XRCC2: variants seen among roughly 807,000 people sequenced by gnomAD.
The protein encoded by XRCC2 is DNA repair protein XRCC2.
In XRCC2, 24 loss-of-function variants were observed where a neutral mutation model predicts 27.3. That is an observed-to-expected ratio of 0.88 (90% CI 0.64 to 1.24). The LOEUF (loss-of-function observed/expected upper bound fraction) is 1.24. Ranked by LOEUF, XRCC2 falls within the 50% of genes most tolerant of loss-of-function variation. The pLI, the probability that XRCC2 is intolerant of heterozygous loss-of-function variation, is 0.00. For missense variants in XRCC2, 321 were observed against 325.8 expected (o/e 0.99, Z 0.11); for synonymous variants, 106 against 115.4 (o/e 0.92, Z 0.52).
At chr7:152,671,627 T>G (rs1217833322) in intron 1 of XRCC2, among the ~76,000 whole-genome samples, 2 of 152,192 alleles carry the variant, frequency 1.3e-5, no homozygotes, top group Non-Finnish European at 2.9e-5. Context: ...CACATAGTGA[T>G]GTCAAGATGA....
chr7:152,653,599 A>G (rs909572346), intron 2 of XRCC2, among the ~76,000 whole-genome samples: 1 of 149,688 alleles, frequency 6.7e-6, no homozygotes, highest in Non-Finnish European at 1.5e-5. Context: ...AGCTGGGACC[A>G]CAGGTGTGTG....
In XRCC2 at chr7:152,660,741, T is replaced by C. The variant is rs773847550; in HGVS notation, c.81A>G (p.Ile27Met). ...RLEGRSSLKE[I>M]EPNLFADEDS... ...CTTCATCAGCAAACAGATTTGGTTC[T>C]ATTTCTTTCAAGGAACTTCTACCTT... Residue 27 changes from isoleucine to methionine, a missense_variant, in exon 2 of 3, where the codon ATA becomes ATG. By Grantham distance (10) the Ile-to-Met change is conservative. Coordinates refer to ENST00000359321, the MANE Select transcript of XRCC2 (RefSeq NM_005431.2). 1.2e-6 allele frequency: 2 copies of C among 1,613,564 alleles called. No individual in the cohort carries two copies. Among genetic ancestry groups the C allele is most frequent in the Non-Finnish European group, 1.7e-6 (2 of 1,179,926 alleles).
intron 1 of XRCC2, among the ~76,000 whole-genome samples, chr7:152,673,876 C>CA (rs981933441): frequency 2.0e-5 from 3 of 151,128 alleles, no homozygotes; most frequent in Non-Finnish European, 3.0e-5. Flanking sequence ...ACTCTTGTCT[C>CA]AAAAAAAACC....
chr7:152,660,638 G>C (rs2098032676), intron 2 of XRCC2, 63 bp downstream of exon 2: 1 of 1,406,254 alleles, frequency 7.1e-7, no homozygotes, highest in Non-Finnish European at 9.9e-7. Context: ...ATACATGTGA[G>C]CTTATGTGAA....
At chr7:152,665,529 G>A (rs1180389986) in intron 1 of XRCC2, among the ~76,000 whole-genome samples, 1 of 107,376 alleles carries the variant, frequency 9.3e-6, no homozygotes, top group Non-Finnish European at 1.7e-5. Context: ...TCTTACTCCC[G>A]TCACCCAGGT....
At chr7:152,654,059 G>C (rs1463153926) in intron 2 of XRCC2, among the ~76,000 whole-genome samples, 1 of 152,054 alleles carries the variant, frequency 6.6e-6, no homozygotes, top group African/African-American at 2.4e-5. Flanking sequence ...AGCTGGGCAT[G>C]GTGGCACGTG....
At chr7:152,652,107 G>A (rs1403706012) in intron 2 of XRCC2, among the ~76,000 whole-genome samples, 1 of 151,490 alleles carries the variant, frequency 6.6e-6, no homozygotes, top group Non-Finnish European at 1.5e-5. Flanking sequence ...AGGCTACGGT[G>A]AGCCATGATC....
chr7:152,650,661 C>T (rs541433190), intron 2 of XRCC2, among the ~76,000 whole-genome samples: 1 of 152,224 alleles, frequency 6.6e-6, no homozygotes, highest in African/African-American at 2.4e-5. Flanking sequence ...GAGGCAGAGG[C>T]GGGAGGATCA....
chr7:152,650,936 T>C (rs987110368), intron 2 of XRCC2, among the ~76,000 whole-genome samples: 2 of 152,116 alleles, frequency 1.3e-5, no homozygotes, highest in Non-Finnish European at 2.9e-5. Context: ...TATTTCTTAT[T>C]ATTTAATTTT....
chr7:152,663,224 G>C (rs2098034061), intron 1 of XRCC2, among the ~76,000 whole-genome samples: 1 of 151,874 alleles, frequency 6.6e-6, no homozygotes, highest in Non-Finnish European at 1.5e-5. Context: ...AAGCAATAGT[G>C]GGTACCTGCT....
At chr7:152,666,280 T>C (rs3218437) in intron 1 of XRCC2, among the ~76,000 whole-genome samples, 7,673 of 152,004 alleles carry the variant, frequency 0.05, 658 homozygotes, top group African/African-American at 0.17. Flanking sequence ...GATGACATCA[T>C]GGCTCTCTGC....
chr7:152,653,714 A>G (rs2116992515), intron 2 of XRCC2, among the ~76,000 whole-genome samples: 1 of 152,252 alleles, frequency 6.6e-6, no homozygotes, highest in East Asian at 1.9e-4. Context: ...CACCTACCTC[A>G]GCCTCCCAAA....
intron 2 of XRCC2, among the ~76,000 whole-genome samples, chr7:152,660,041 T>C (rs2098032407): frequency 6.6e-6 from 1 of 152,196 alleles, no homozygotes; most frequent in Non-Finnish European, 1.5e-5. Context: ...AAGAGGCCAG[T>C]CACAGAAGAT....
intron 2 of XRCC2, among the ~76,000 whole-genome samples, chr7:152,656,741 G>A (rs1275546145): frequency 6.6e-6 from 1 of 152,124 alleles, no homozygotes; most frequent in Non-Finnish European, 1.5e-5. Flanking sequence ...CTTCCTTACA[G>A]AGAGAGTACA....
At position 152,644,865 on chromosome 7, in the gene XRCC2, A is replaced by G. The variant is rs898924250; in HGVS notation, c.*3777T>C. The stretch of plus-strand genomic sequence containing the variant: ...GAAAATGTCAAATCCTGGAAAATGT[A>G]GTATTCCTACACGTGATGTTAACAT... On this transcript the variant is annotated 3_prime_UTR_variant, in exon 3 of 3. Coordinates refer to ENST00000359321, the MANE Select transcript of XRCC2 (RefSeq NM_005431.2). The G allele has an allele frequency of 2.0e-5, 3 of 152,254 alleles. No individual in the cohort carries two copies. The highest frequency in any genetic ancestry group is 4.4e-5 in the Non-Finnish European group (3 of 68,046). The allele number at this position is 152,254 out of a possible 1,614,324, so 9.4% of individuals were successfully genotyped here.
In XRCC2 at chr7:152,648,830, C is replaced by T. The variant is rs574987213; in HGVS notation, c.655G>A (p.Val219Met). Residue 219 changes from valine (V) to methionine (M), a missense_variant, in exon 3 of 3, where the codon GTG (valine) becomes ATG (methionine). Transcript: ENST00000359321. ...PSHASRRLCD[V>M]DIDYRPYLCK... is the part of the protein sequence containing the mutation. Reference sequence around the variant, plus strand: ...AGATAAGGTCTGTAGTCTATGTCCACATCACACAGTCGTCGAGAGGCATGA... The same window carrying T: ...AGATAAGGTCTGTAGTCTATGTCCATATCACACAGTCGTCGAGAGGCATGA... 6.8e-6 allele frequency: 11 copies of T among 1,613,932 alleles called. 1 individual carries two copies. In the South Asian group the frequency reaches 1.2e-4, roughly 18 times the overall value.
At chr7:152,660,520 A>C (rs1424071488) in intron 2 of XRCC2, among the ~76,000 whole-genome samples, 181 bp downstream of exon 2, 3 of 152,254 alleles carry the variant, frequency 2.0e-5, no homozygotes, top group Non-Finnish European at 4.4e-5. Flanking sequence ...AGAGAAGCAA[A>C]CTTGTCTGAC....
intron 1 of XRCC2, among the ~76,000 whole-genome samples, chr7:152,673,086 G>A (rs183577374): frequency 7.9e-5 from 12 of 152,210 alleles, no homozygotes; most frequent in Admixed American, 3.9e-4. Flanking sequence ...ATTGTAAACT[G>A]TAGTCAAATG....
chr7:152,663,346 T>TAAAAAAAAAAAAAAAAAAAAAAAAAAAA (rs530664762), intron 1 of XRCC2, among the ~76,000 whole-genome samples: 3 of 80,898 alleles, frequency 3.7e-5, no homozygotes, highest in Non-Finnish European at 2.5e-5. Flanking sequence ...GTCTTTGAAG[T>TAAAAAAAAAAAAAAAAAAAAAAAAAAAA]AAAAAAAAAA....
Sources: gnomAD v4.1 joint callset for allele counts (sites outside exome capture counted in the v4.1 genomes callset) on GRCh38, gnomAD v4.1.1 for gene constraint, MANE v1.5 for transcripts, NCBI Gene and HGNC (gene_info 2026-07-23, HGNC 2026-07-21) for gene names.